LINGO2: variants seen among roughly 807,000 people sequenced by gnomAD.
The protein encoded by LINGO2 is leucine rich repeat and Ig domain containing 2.
A neutral mutation model predicts 30.6 loss-of-function variants in LINGO2; 14 were observed. The observed-to-expected ratio is 0.46, with a 90% CI of 0.30 to 0.72. The LOEUF (loss-of-function observed/expected upper bound fraction) is 0.72, where lower values mean the gene tolerates loss of function less well. Ranked by LOEUF, LINGO2 falls within the 30% of genes least tolerant of loss-of-function variation. The probability of loss-of-function intolerance (pLI) is 0.07; values close to 1 mark genes in which losing one functional copy is unlikely to be tolerated. For missense variants in LINGO2, 729 were observed against 751.7 expected, an observed-to-expected ratio of 0.97 and a Z score of 0.35; for synonymous variants, 317 against 288.5, an observed-to-expected ratio of 1.10 and a Z score of -1.00.
chr9:28,832,941 T>G, the LINGO2 span, among the ~76,000 whole-genome samples: 1 of 151,422 alleles, frequency 6.6e-6, no homozygotes, highest in South Asian at 2.1e-4. Context: ...CTAGTCCATC[T>G]CTGATATTAG....
chr9:29,150,986 T>A, the LINGO2 span, among the ~76,000 whole-genome samples: 3 of 151,666 alleles, frequency 2.0e-5, no homozygotes, highest in East Asian at 1.9e-4. Context: ...ACAAAAAAAA[T>A]ATATATATTA....
At chr9:28,063,353 G>T (rs1291722268) in intron 4 of LINGO2, among the ~76,000 whole-genome samples, 1 of 152,018 alleles carries the variant, frequency 6.6e-6, no homozygotes, top group African/African-American at 2.4e-5. Flanking sequence ...AATATTAATA[G>T]AGTCATGTAA....
chr9:28,846,771 G>A, the LINGO2 span, among the ~76,000 whole-genome samples: 6 of 148,016 alleles, frequency 4.1e-5, no homozygotes, highest in South Asian at 2.1e-4. Context: ...AATGTGAAGT[G>A]CATTAGTCAG....
At chr9:28,411,194 T>C (rs1205187439) in intron 2 of LINGO2, among the ~76,000 whole-genome samples, 1 of 152,072 alleles carries the variant, frequency 6.6e-6, no homozygotes, top group Non-Finnish European at 1.5e-5. Context: ...ATGCTAAGAT[T>C]AGTTATTTAA....
At chr9:28,436,633 A>T (rs2134987625) in intron 2 of LINGO2, among the ~76,000 whole-genome samples, 1 of 151,820 alleles carries the variant, frequency 6.6e-6, no homozygotes, top group Middle Eastern at 3.4e-3. Context: ...AATTTTTTGT[A>T]TTTTTAGTAG....
the LINGO2 span, among the ~76,000 whole-genome samples, chr9:28,854,549 A>T: frequency 2.6e-5 from 4 of 151,982 alleles, no homozygotes; most frequent in African/African-American, 7.2e-5. Flanking sequence ...TAATTTTATG[A>T]GCGTTAATGG....
chr9:28,399,362 G>A (rs375738031), intron 2 of LINGO2, among the ~76,000 whole-genome samples: 1 of 152,028 alleles, frequency 6.6e-6, no homozygotes, highest in South Asian at 2.1e-4. Context: ...CATAACATTC[G>A]TTATGAAAGT....
chr9:28,827,962 T>A, the LINGO2 span, among the ~76,000 whole-genome samples: 2 of 152,090 alleles, frequency 1.3e-5, no homozygotes, highest in African/African-American at 4.8e-5. Flanking sequence ...ATACACAATC[T>A]ATATTGGTAT....
chr9:28,619,677 T>C (rs1826303375), intron 1 of LINGO2, among the ~76,000 whole-genome samples: 1 of 152,136 alleles, frequency 6.6e-6, no homozygotes, highest in African/African-American at 2.4e-5. Context: ...TTCTTTACCC[T>C]GTTCTTGGAG....
intron 4 of LINGO2, among the ~76,000 whole-genome samples, chr9:28,191,914 T>C (rs1355450746): frequency 6.6e-6 from 1 of 152,190 alleles, no homozygotes; most frequent in Non-Finnish European, 1.5e-5. Context: ...CATGTCTTTT[T>C]CTATTTAGTT....
chr9:28,311,193 G>C (rs1023805569), intron 3 of LINGO2, among the ~76,000 whole-genome samples: 6 of 152,116 alleles, frequency 3.9e-5, no homozygotes, highest in Non-Finnish European at 7.4e-5. Context: ...ATTTTCAAAA[G>C]GGGAGGGAGT....
the LINGO2 span, among the ~76,000 whole-genome samples, chr9:28,736,289 G>A: frequency 2.6e-5 from 4 of 152,122 alleles, no homozygotes; most frequent in Non-Finnish European, 4.4e-5. Flanking sequence ...TACCAGGATT[G>A]CCCCAGTCTT....
At chr9:28,396,187 C>A (rs1822032427) in intron 2 of LINGO2, among the ~76,000 whole-genome samples, 1 of 152,068 alleles carries the variant, frequency 6.6e-6, no homozygotes, top group Non-Finnish European at 1.5e-5. Flanking sequence ...TACCAGGTGC[C>A]AGGTGCTGTT....
At chr9:28,855,320 A>G in the LINGO2 span, among the ~76,000 whole-genome samples, 4,512 of 152,124 alleles carry the variant, frequency 0.03, 228 homozygotes, top group African/African-American at 0.1. Context: ...GATTTTTAAA[A>G]ACAGCTACCC....
intron 5 of LINGO2, among the ~76,000 whole-genome samples, chr9:27,967,140 T>C (rs977628793): frequency 6.6e-6 from 1 of 152,154 alleles, no homozygotes; most frequent in African/African-American, 2.4e-5. Context: ...AAATCCCTTC[T>C]GGAACACTCT....
intron 3 of LINGO2, among the ~76,000 whole-genome samples, chr9:28,307,229 C>G (rs572754345): frequency 6.6e-6 from 1 of 152,142 alleles, no homozygotes; most frequent in Non-Finnish European, 1.5e-5. Flanking sequence ...AGCTTATCCA[C>G]CATGGTCAAG....
chr9:28,247,529 C>T (rs185759738), intron 4 of LINGO2, among the ~76,000 whole-genome samples: 12 of 152,194 alleles, frequency 7.9e-5, no homozygotes, highest in Admixed American at 7.2e-4. Context: ...TGTTCTCACT[C>T]TTAGGTGGGA....
chr9:28,861,282 A>G, the LINGO2 span, among the ~76,000 whole-genome samples: 1 of 124,424 alleles, frequency 8.0e-6, no homozygotes, highest in Non-Finnish European at 1.6e-5. Flanking sequence ...ATATTTATAT[A>G]TTATATATTT....
intron 1 of LINGO2, among the ~76,000 whole-genome samples, chr9:28,583,572 C>T (rs993707792): frequency 1.3e-5 from 2 of 151,950 alleles, no homozygotes; most frequent in East Asian, 1.9e-4. Context: ...TTCAGAAATG[C>T]TCTTATTCAA....
Sources: allele counts gnomAD v4.1 joint callset (sites outside exome capture counted in the v4.1 genomes callset), GRCh38; gene constraint gnomAD v4.1.1; transcripts MANE v1.5; gene names NCBI Gene and HGNC (gene_info 2026-07-23, HGNC 2026-07-21).